Variants in SNRNP27 observed in about 807,000 individuals in gnomAD.
SNRNP27 encodes U4/U6.U5 small nuclear ribonucleoprotein 27 kDa protein.
Under a neutral mutation model 25.1 loss-of-function variants are expected in SNRNP27, and 22 were observed. The observed-to-expected ratio is 0.88, with a 90% CI of 0.63 to 1.25. The LOEUF (loss-of-function observed/expected upper bound fraction) is 1.25, where lower values mean the gene tolerates loss of function less well. Among genes scored for constraint, SNRNP27 ranks in the 50% most tolerant of loss-of-function variants. The pLI is 0.00. For synonymous variants in SNRNP27, 66 were observed against 64.9 expected, an observed-to-expected ratio of 1.02 and a Z score of -0.08; for missense variants, 150 against 202.3, an observed-to-expected ratio of 0.74 and a Z score of 1.57.
At chr2:69,901,995 G>C (rs1171015678) in intron 4 of SNRNP27, among the ~76,000 whole-genome samples, 1 of 152,118 alleles carries the variant, frequency 6.6e-6, no homozygotes, top group African/African-American at 2.4e-5. Flanking sequence ...CTGGTTTCAA[G>C]GTATTCTTTG....
Position 69,901,620 on chromosome 2 carries a change from A to T in SNRNP27, c.349-1561A>T, listed in dbSNP as rs912415344. ...TGCTTGAGACCAGGAGTTCAAGACC[A>T]GCCTGGGCAACATAGTGAGATCCCA... is the stretch of plus-strand genomic sequence containing the variant. On this transcript the variant is annotated intron_variant, in intron 4 of 5. Transcript: ENST00000244227. Among the ~76,000 whole-genome samples the T allele has an allele frequency of 2.0e-5, 3 of 152,298 alleles. No individual in the cohort carries two copies. The South Asian group carries it at 6.2e-4, about 32-fold the overall frequency.
intron 4 of SNRNP27, among the ~76,000 whole-genome samples, chr2:69,902,907 C>T (rs547210029): frequency 6.7e-6 from 1 of 148,806 alleles, no homozygotes; most frequent in African/African-American, 2.5e-5. Flanking sequence ...CTTCCTTCCT[C>T]CTTCTTCCTT....
chr2:69,902,280 T>G (rs1365898858), intron 4 of SNRNP27, among the ~76,000 whole-genome samples: 2 of 96,648 alleles, frequency 2.1e-5, no homozygotes, highest in Non-Finnish European at 4.5e-5. Context: ...TTCCTCCTCC[T>G]CCTTCCTCCT....
intron 5 of SNRNP27, 180 bp downstream of exon 5, chr2:69,903,425 G>A: frequency 1.7e-6 from 1 of 582,544 alleles, no homozygotes; most frequent in Admixed American, 3.0e-5. Context: ...TTACATGTAA[G>A]CTAATAGCTA....
chr2:69,900,093 G>A (rs1351014381), intron 4 of SNRNP27, among the ~76,000 whole-genome samples: 2 of 152,068 alleles, frequency 1.3e-5, no homozygotes, highest in Non-Finnish European at 2.9e-5. Context: ...AAGTAGCTGG[G>A]ACTGTAGCCT....
chr2:69,895,750 C>T (rs1024535822), intron 2 of SNRNP27, among the ~76,000 whole-genome samples: 12 of 152,096 alleles, frequency 7.9e-5, no homozygotes, highest in Admixed American at 7.9e-4. Context: ...TTAGTAGAGA[C>T]GGGGTTTCAA....
At chr2:69,901,420 T>G (rs1035834705) in intron 4 of SNRNP27, among the ~76,000 whole-genome samples, 7 of 152,108 alleles carry the variant, frequency 4.6e-5, no homozygotes, top group African/African-American at 1.7e-4. Context: ...AACAAGAATT[T>G]GTGAAAAAGA....
At chr2:69,896,939 G>A (rs1422646229) in intron 3 of SNRNP27, among the ~76,000 whole-genome samples, 2 of 152,120 alleles carry the variant, frequency 1.3e-5, no homozygotes, top group African/African-American at 4.8e-5. Flanking sequence ...CTCCCAAAGT[G>A]CTGGGATTAT....
intron 2 of SNRNP27, 91 bp downstream of exon 2, chr2:69,895,305 G>A (rs1676580781): frequency 1.4e-6 from 2 of 1,454,918 alleles, no homozygotes; most frequent in Non-Finnish European, 9.3e-7. Flanking sequence ...TCGCTTATAA[G>A]GGGATTTACG....
chr2:69,902,249 CTCCT>C (rs1207631529), intron 4 of SNRNP27, among the ~76,000 whole-genome samples: 3 of 149,538 alleles, frequency 2.0e-5, no homozygotes, highest in East Asian at 2.0e-4. Context: ...CTTCTCCTTC[CTCCT>C]TCCTTCTTTC....
At chr2:69,895,303 A>G in intron 2 of SNRNP27, 89 bp downstream of exon 2, 1 of 1,484,296 alleles carries the variant, frequency 6.7e-7, no homozygotes, top group Non-Finnish European at 9.1e-7. Context: ...CATCGCTTAT[A>G]AGGGGATTTA....
chr2:69,893,958 A>T lies in SNRNP27; in HGVS notation c.-27A>T. On this transcript the variant is annotated 5_prime_UTR_variant, in exon 1 of 6. Coordinates refer to ENST00000244227, the MANE Select transcript of SNRNP27 (RefSeq NM_006857.3). The stretch of plus-strand genomic sequence containing the variant: ...CCGGCCCTCCCGGAAGTTGTTGCAC[A>T]GTTGTTTCCGGGAAGCGGGACTCCA... 1 of 1,613,574 alleles carries T rather than the reference A, an allele frequency of 6.2e-7. No individual in the cohort carries two copies. The highest frequency in any genetic ancestry group is 8.5e-7 in the Non-Finnish European group (1 of 1,179,610).
At chr2:69,900,185 G>A (rs1676671363) in intron 4 of SNRNP27, among the ~76,000 whole-genome samples, 1 of 152,008 alleles carries the variant, frequency 6.6e-6, no homozygotes, top group African/African-American at 2.4e-5. Context: ...TGAAAATAAT[G>A]GCTAAAACTG....
At chr2:69,896,579 A>G in intron 3 of SNRNP27, 31 bp downstream of exon 3, 1 of 1,541,976 alleles carries the variant, frequency 6.5e-7, no homozygotes, top group Non-Finnish European at 8.8e-7. Flanking sequence ...ACTGTAGGAA[A>G]AGTACAGTGA....
Position 69,897,423 on chromosome 2 carries a change from GTT to G in SNRNP27, c.316_317del (p.Leu106AsnfsTer7). ...KTEEEIEMMK[L>X]MGFASFDSTK... ...CAGAGGAAGAAATAGAAATGATGAA[GTT>G]AATGGGATTTGCCTCCTTTGACTCC... On this transcript the variant is annotated frameshift_variant, in exon 4 of 6. Coordinates refer to ENST00000244227, the MANE Select transcript of SNRNP27 (RefSeq NM_006857.3). LOFTEE classifies it high-confidence loss of function. The G allele has an allele frequency of 1.2e-6, 2 of 1,613,492 alleles. No individual in the cohort carries two copies. Among genetic ancestry groups the G allele is most frequent in the South Asian group, 2.2e-5 (2 of 91,002 alleles).
chr2:69,904,155 A>G, intron 5 of SNRNP27, 99 bp from the exon 6 acceptor site: 2 of 734,550 alleles, frequency 2.7e-6, no homozygotes, highest in South Asian at 3.9e-5. Context: ...TTGCTATTAT[A>G]AAGATGGTTT....
At chr2:69,897,274 C>T in intron 3 of SNRNP27, 103 bp from the exon 4 acceptor site, 1 of 734,906 alleles carries the variant, frequency 1.4e-6, no homozygotes, top group Non-Finnish European at 2.3e-6. Flanking sequence ...TGTGTGTTCT[C>T]TGCTAGTGAG....
intron 1 of SNRNP27, among the ~76,000 whole-genome samples, chr2:69,894,735 T>C (rs953850482): frequency 6.6e-6 from 1 of 151,964 alleles, no homozygotes. Flanking sequence ...CAGGCTGGAG[T>C]GCAGTGGCCG....
Position 69,897,709 on chromosome 2 carries a change from T to A in SNRNP27, c.348+253T>A, listed in dbSNP as rs1260429700. Reference sequence around the variant, plus strand: ...AGACAAAGAAGAGGAAGAAGATTATTTCAGGTAGAGGGAAGAGCTCATGAA... The same window carrying A: ...AGACAAAGAAGAGGAAGAAGATTATATCAGGTAGAGGGAAGAGCTCATGAA... On this transcript the variant is annotated intron_variant, in intron 4 of 5. Transcript: ENST00000244227. 1.2e-4 allele frequency: 49 copies of A among 402,610 alleles called. 2 individuals are homozygous for A. In the South Asian group the frequency reaches 1.3e-3, roughly 11 times the overall value. The allele number at this position is 402,610 out of a possible 1,614,324, so 24.9% of individuals were successfully genotyped here. A position where few individuals can be genotyped will look rare whatever the true frequency, so the allele number is the denominator to read the frequency against.
Sources: gnomAD v4.1 joint callset for allele counts (sites outside exome capture counted in the v4.1 genomes callset) on GRCh38, gnomAD v4.1.1 for gene constraint, MANE v1.5 for transcripts, NCBI Gene and HGNC (gene_info 2026-07-23, HGNC 2026-07-21) for gene names.